FAM184B: variants seen among roughly 807,000 people sequenced by gnomAD.
FAM184B encodes protein FAM184B.
In FAM184B, 111 loss-of-function variants were observed where a neutral mutation model predicts 135.9. That is an observed-to-expected ratio of 0.82 (90% CI 0.70 to 0.96). FAM184B has a LOEUF of 0.96. Ranked by LOEUF, FAM184B falls within the 40% of genes least tolerant of loss-of-function variation. The pLI, the probability that FAM184B is intolerant of heterozygous loss-of-function variation, is 0.00. For synonymous variants in FAM184B, 552 were observed against 524.8 expected, an observed-to-expected ratio of 1.05 and a Z score of -0.71; for missense variants, 1,375 against 1,323.9, an observed-to-expected ratio of 1.04 and a Z score of -0.60.
chr4:17,710,033 A>G (rs570984336), intron 1 of FAM184B, among the ~76,000 whole-genome samples: 5 of 152,198 alleles, frequency 3.3e-5, no homozygotes, highest in African/African-American at 1.2e-4. Flanking sequence ...ACATTTAGAA[A>G]ACTGGACCCA....
At chr4:17,708,642 C>A (rs1162961354) in intron 2 of FAM184B, among the ~76,000 whole-genome samples, 1 of 96,948 alleles carries the variant, frequency 1.0e-5, no homozygotes, top group Non-Finnish European at 2.0e-5. Flanking sequence ...GAGGCTCCGT[C>A]TCAAAAATAA....
chr4:17,774,870 C>G (rs553388912), intron 1 of FAM184B, among the ~76,000 whole-genome samples: 39 of 151,926 alleles, frequency 2.6e-4, no homozygotes, highest in Non-Finnish European at 4.9e-4. Flanking sequence ...ATCTTTTATT[C>G]TATTTCCATA....
At chr4:17,753,171 A>T (rs1718340108) in intron 1 of FAM184B, among the ~76,000 whole-genome samples, 1 of 151,944 alleles carries the variant, frequency 6.6e-6, no homozygotes, top group African/African-American at 2.4e-5. Context: ...CCCCAAATGG[A>T]CCTCCATTAC....
chr4:17,690,642 A>G (rs561037323), intron 6 of FAM184B, among the ~76,000 whole-genome samples: 1 of 152,168 alleles, frequency 6.6e-6, no homozygotes, highest in Admixed American at 6.5e-5. Context: ...AGAGAAAGAG[A>G]TATTTCAAGA....
intron 7 of FAM184B, among the ~76,000 whole-genome samples, chr4:17,668,455 T>C (rs1048542688): frequency 2.0e-5 from 3 of 152,340 alleles, no homozygotes; most frequent in Admixed American, 6.5e-5. Context: ...ACAATCTTTT[T>C]TGTTGCAATT....
At chr4:17,743,532 C>T (rs1718091975) in intron 1 of FAM184B, among the ~76,000 whole-genome samples, 1 of 152,156 alleles carries the variant, frequency 6.6e-6, no homozygotes, top group African/African-American at 2.4e-5. Flanking sequence ...TTCCTCTCTC[C>T]CTCTTCACTC....
intron 1 of FAM184B, among the ~76,000 whole-genome samples, chr4:17,710,553 C>T (rs1717244473): frequency 6.6e-6 from 1 of 152,168 alleles, no homozygotes. Flanking sequence ...TTCTCAGCCT[C>T]ATAAGGCACA....
chr4:17,710,782 A>G (rs1003238835), intron 1 of FAM184B, among the ~76,000 whole-genome samples: 1 of 152,248 alleles, frequency 6.6e-6, no homozygotes. Flanking sequence ...GGCCTGAGCC[A>G]CAGGTCGGTG....
chr4:17,664,885 C>G (rs1250630781), intron 7 of FAM184B, among the ~76,000 whole-genome samples: 1 of 152,128 alleles, frequency 6.6e-6, no homozygotes, highest in Non-Finnish European at 1.5e-5. Context: ...AGCCCTGTAT[C>G]CTGTTTTTCA....
intron 1 of FAM184B, among the ~76,000 whole-genome samples, chr4:17,747,501 A>G (rs1292716456): frequency 6.6e-6 from 1 of 152,160 alleles, no homozygotes; most frequent in Non-Finnish European, 1.5e-5. Flanking sequence ...AAACAAAAAG[A>G]TAAGAAAGAG....
At chr4:17,697,600 T>C (rs1232137728) in intron 5 of FAM184B, among the ~76,000 whole-genome samples, 1 of 152,204 alleles carries the variant, frequency 6.6e-6, no homozygotes, top group Non-Finnish European at 1.5e-5. Context: ...AAAAATTCAT[T>C]ATCTTTACTT....
chr4:17,677,770 T>C (rs545489668), intron 7 of FAM184B, among the ~76,000 whole-genome samples: 3 of 152,146 alleles, frequency 2.0e-5, no homozygotes, highest in African/African-American at 7.2e-5. Flanking sequence ...CAAAAATCCT[T>C]AACAAAATAC....
At chr4:17,722,302 G>A (rs756797416) in intron 1 of FAM184B, among the ~76,000 whole-genome samples, 3 of 152,170 alleles carry the variant, frequency 2.0e-5, no homozygotes, top group East Asian at 1.9e-4. Context: ...TAACTAAACC[G>A]CCAGAAGGAA....
At chr4:17,707,051 G>A (rs1006803801) in intron 3 of FAM184B, among the ~76,000 whole-genome samples, 4 of 152,108 alleles carry the variant, frequency 2.6e-5, no homozygotes, top group South Asian at 2.1e-4. Context: ...GCCTCCCAAA[G>A]TGCTGGGATT....
Position 17,658,467 on chromosome 4 carries a change from C to T in FAM184B, c.1920G>A (p.Lys640=). ...LKQLSDLERE[K]LQRELQETTQ... The stretch of plus-strand genomic sequence containing the variant: ...TGGTCTCCTGGAGCTCACGCTGCAG[C>T]TTCTCCCTCTCCAGGTCCGAGAGCT... The change falls in exon 10 of 18, where the codon AAG becomes AAA. Residue 640 remains lysine (K), a synonymous_variant. Coordinates refer to ENST00000265018, the MANE Select transcript of FAM184B (RefSeq NM_015688.2). The T allele has an allele frequency of 6.4e-7, 1 of 1,551,566 alleles. No homozygotes were observed. The highest frequency in any genetic ancestry group is 8.7e-7 in the Non-Finnish European group (1 of 1,146,922).
At chr4:17,762,888 T>C (rs1475238985) in intron 1 of FAM184B, among the ~76,000 whole-genome samples, 4 of 152,160 alleles carry the variant, frequency 2.6e-5, no homozygotes, top group Non-Finnish European at 4.4e-5. Flanking sequence ...TGCTGCTGAA[T>C]TTGGACAGAA....
intron 2 of FAM184B, among the ~76,000 whole-genome samples, chr4:17,708,668 T>C (rs193229989): frequency 0.038 from 797 of 21,222 alleles, 6 homozygotes; most frequent in Non-Finnish European, 0.052. Flanking sequence ...CAAAACTATA[T>C]ATATATATAT....
chr4:17,652,416 A>C (rs1263932638), intron 11 of FAM184B, among the ~76,000 whole-genome samples: 1 of 151,742 alleles, frequency 6.6e-6, no homozygotes, highest in East Asian at 1.9e-4. Flanking sequence ...CAGCCACCAC[A>C]CCCGGCCTTT....
chr4:17,745,453 G>T (rs960948541), intron 1 of FAM184B, among the ~76,000 whole-genome samples: 1 of 152,166 alleles, frequency 6.6e-6, no homozygotes, highest in Non-Finnish European at 1.5e-5. Flanking sequence ...TACCGCGGCC[G>T]GGCTATTTCT....
Sources: gnomAD v4.1 joint callset for allele counts (sites outside exome capture counted in the v4.1 genomes callset) on GRCh38, gnomAD v4.1.1 for gene constraint, MANE v1.5 for transcripts, NCBI Gene and HGNC (gene_info 2026-07-23, HGNC 2026-07-21) for gene names.